Variants in STRN observed in about 807,000 individuals in gnomAD.
STRN encodes striatin, also known as protein phosphatase 2 regulatory subunit B'''alpha.
Under a neutral mutation model 96.3 loss-of-function variants are expected in STRN, and 53 were observed. The observed-to-expected ratio is 0.55, with a 90% confidence interval of 0.44 to 0.69. The LOEUF (loss-of-function observed/expected upper bound fraction) is 0.69, where lower values mean the gene tolerates loss of function less well. Among genes scored for constraint, STRN ranks in the 30% least tolerant of loss-of-function variants. The pLI is 0.00. For synonymous variants in STRN, 428 were observed against 355.9 expected (o/e 1.20, Z -2.28); for missense variants, 987 against 963.9 (o/e 1.02, Z -0.32).
chr2:36,884,811 G>A (rs1332257805), intron 8 of STRN, among the ~76,000 whole-genome samples: 1 of 151,690 alleles, frequency 6.6e-6, no homozygotes, highest in Non-Finnish European at 1.5e-5. Flanking sequence ...TTTCCAATGA[G>A]TACTAGTTCA....
intron 3 of STRN, among the ~76,000 whole-genome samples, chr2:36,913,649 T>C (rs1670018341): frequency 6.6e-6 from 1 of 152,220 alleles, no homozygotes; most frequent in Non-Finnish European, 1.5e-5. Flanking sequence ...CAGGGCATTG[T>C]TGTCTTATTC....
At chr2:36,878,069 G>C in intron 9 of STRN, 42 bp from the exon 10 acceptor site, 2 of 1,606,968 alleles carry the variant, frequency 1.2e-6, no homozygotes, top group Non-Finnish European at 1.7e-6. Flanking sequence ...AATCTCTAAG[G>C]AGCCAACATT....
chr2:36,961,108 G>A (rs935323269), intron 1 of STRN, among the ~76,000 whole-genome samples: 1 of 142,530 alleles, frequency 7.0e-6, no homozygotes, highest in Admixed American at 7.2e-5. Flanking sequence ...ATGTTGCCCA[G>A]GCTGCACTTT....
chr2:36,918,213 A>G (rs541780908), intron 2 of STRN, among the ~76,000 whole-genome samples: 2 of 152,298 alleles, frequency 1.3e-5, no homozygotes, highest in East Asian at 3.8e-4. Flanking sequence ...TTGTAATACT[A>G]TTGATCATCA....
At chr2:36,906,414 G>A (rs1027655776) in intron 3 of STRN, among the ~76,000 whole-genome samples, 1 of 152,104 alleles carries the variant, frequency 6.6e-6, no homozygotes, top group Non-Finnish European at 1.5e-5. Flanking sequence ...AGCTGTGATC[G>A]TGCCACTGTA....
intron 7 of STRN, among the ~76,000 whole-genome samples, chr2:36,887,314 T>A (rs371703908): frequency 6.7e-6 from 1 of 148,254 alleles, no homozygotes; most frequent in Admixed American, 6.7e-5. Flanking sequence ...AATAAATAAA[T>A]ACAAAATTAG....
intron 1 of STRN, among the ~76,000 whole-genome samples, chr2:36,943,401 T>C (rs988221515): frequency 6.6e-6 from 1 of 150,594 alleles, no homozygotes; most frequent in Non-Finnish European, 1.5e-5. Flanking sequence ...TATATATATA[T>C]AAATATATAA....
At chr2:36,926,013 C>G (rs1354369454) in intron 1 of STRN, among the ~76,000 whole-genome samples, 1 of 152,154 alleles carries the variant, frequency 6.6e-6, no homozygotes, top group Non-Finnish European at 1.5e-5. Context: ...GCTCCCTTTT[C>G]TCAATCCCCA....
intron 3 of STRN, among the ~76,000 whole-genome samples, chr2:36,910,068 G>C (rs533470245): frequency 2.0e-5 from 3 of 151,948 alleles, no homozygotes; most frequent in Non-Finnish European, 4.4e-5. Context: ...AGCTACTCAG[G>C]GGGCTGAGGC....
At chr2:36,959,740 T>C (rs1249959976) in intron 1 of STRN, among the ~76,000 whole-genome samples, 1 of 152,204 alleles carries the variant, frequency 6.6e-6, no homozygotes, top group African/African-American at 2.4e-5. Context: ...ATAAAAGTGT[T>C]GAAATCACCA....
intron 2 of STRN, 28 bp from the exon 3 acceptor site, chr2:36,916,179 C>A: frequency 6.4e-7 from 1 of 1,571,770 alleles, no homozygotes; most frequent in Non-Finnish European, 8.7e-7. Context: ...AAATACAGAC[C>A]ATCTTAAAAT....
In STRN at chr2:36,839,365, T is replaced by C. The variant is rs556861802; in HGVS notation, c.*10091A>G. On this transcript the variant is annotated 3_prime_UTR_variant, in exon 18 of 18. Transcript: ENST00000263918. Reference sequence around the variant, plus strand: ...TGCCAGCAACTAGAACTGTGTGGCATATAGCTGGCACTCAAATATTAAGGA... The same window carrying C: ...TGCCAGCAACTAGAACTGTGTGGCACATAGCTGGCACTCAAATATTAAGGA... Among the ~76,000 whole-genome samples the C allele has an allele frequency of 2.6e-5, 4 of 152,304 alleles. No individual in the cohort carries two copies. Among genetic ancestry groups the C allele is most frequent in the East Asian group, 1.9e-4 (1 of 5,192 alleles).
intron 5 of STRN, among the ~76,000 whole-genome samples, chr2:36,900,712 G>T (rs1294029803): frequency 6.6e-6 from 1 of 152,092 alleles, no homozygotes; most frequent in Non-Finnish European, 1.5e-5. Context: ...AGCCAACATG[G>T]TGAAACTCCA....
At chr2:36,928,744 A>G (rs1670487828) in intron 1 of STRN, among the ~76,000 whole-genome samples, 1 of 151,670 alleles carries the variant, frequency 6.6e-6, no homozygotes, top group Non-Finnish European at 1.5e-5. Flanking sequence ...GGAGTTCAAG[A>G]CCAGCCTGAC....
intron 1 of STRN, among the ~76,000 whole-genome samples, chr2:36,957,856 T>C (rs1308687792): frequency 1.4e-5 from 2 of 145,648 alleles, no homozygotes; most frequent in African/African-American, 2.5e-5. Context: ...GTTCAGGTGA[T>C]TCTCCTGCCT....
intron 3 of STRN, 61 bp from the exon 4 acceptor site, chr2:36,905,679 T>G: frequency 7.3e-7 from 1 of 1,363,520 alleles, no homozygotes; most frequent in Admixed American, 1.7e-5. Flanking sequence ...GCATCTTAAT[T>G]CATTAATAAC....
intron 1 of STRN, among the ~76,000 whole-genome samples, chr2:36,936,853 T>C (rs1670713522): frequency 6.6e-6 from 1 of 152,188 alleles, no homozygotes; most frequent in Non-Finnish European, 1.5e-5. Context: ...TCACCTTTCA[T>C]TTTGTTGCTG....
chr2:36,877,976 G>A lies in STRN; in HGVS notation c.1238C>T (p.Ala413Val), dbSNP rs573694681. ...PSSGKSFIMG[A>V]DEALESELGL... ...CAGTTCACTTTCAAGGGCTTCATCT[G>A]CTCCCATGATGAATGACTTTCCAGA... The change falls in exon 10 of 18, where the codon GCA becomes GTA. Residue 413 changes from alanine to valine, a missense_variant. Physicochemically the swap from Ala to Val is moderately conservative, Grantham distance 64. Transcript: ENST00000263918. 1.9e-6 allele frequency: 3 copies of A among 1,614,028 alleles called. No individual in the cohort carries two copies. The highest frequency in any genetic ancestry group is 4.5e-5 in the East Asian group (2 of 44,886).
intron 1 of STRN, among the ~76,000 whole-genome samples, chr2:36,941,854 T>C (rs1670853736): frequency 6.6e-6 from 1 of 151,974 alleles, no homozygotes; most frequent in Non-Finnish European, 1.5e-5. Flanking sequence ...CACCCAGCCC[T>C]ATTATTTTTA....
Sources: gnomAD v4.1 joint callset for allele counts (sites outside exome capture counted in the v4.1 genomes callset) on GRCh38, gnomAD v4.1.1 for gene constraint, MANE v1.5 for transcripts, NCBI Gene and HGNC (gene_info 2026-07-23, HGNC 2026-07-21) for gene names.